CCDC15: variants seen among roughly 807,000 people sequenced by gnomAD.
CCDC15 encodes the protein coiled-coil domain containing 15.
CCDC15 carries 105 observed loss-of-function variants against 114.5 expected under a neutral mutation model. That is an observed-to-expected ratio of 0.92 (90% CI 0.78 to 1.08). The LOEUF is 1.08. Ranked by LOEUF, CCDC15 falls within the 50% of genes least tolerant of loss-of-function variation. CCDC15 has a pLI of 0.00. For missense variants in CCDC15, 1,105 were observed against 1,093.6 expected (o/e 1.01, Z -0.15); for synonymous variants, 334 against 377.8 (o/e 0.88, Z 1.34).
At position 124,954,721 on chromosome 11, in the gene CCDC15, C is replaced by CAGG; in HGVS notation, c.-9_-7dup. 6.2e-7 allele frequency: 1 copy of CAGG among 1,613,144 alleles called. No homozygotes were observed. The highest frequency in any genetic ancestry group is 8.5e-7 in the Non-Finnish European group (1 of 1,179,404). ...TTTTAAGCTTTTTCTTTCTCCTAAT[C>CAGG]AGGAGTCACAGATGCTGGGAAGTAT... is the stretch of plus-strand genomic sequence containing the variant. On this transcript the variant is annotated splice_polypyrimidine_tract_variant and splice_region_variant and intron_variant, in intron 1 of 15. Transcript: ENST00000344762.
intron 4 of CCDC15, among the ~76,000 whole-genome samples, chr11:124,966,048 G>A (rs1331889827): frequency 1.3e-5 from 2 of 152,166 alleles, no homozygotes; most frequent in African/African-American, 4.8e-5. Context: ...GCTGAGGAGT[G>A]CTTTACTTCC....
chr11:125,000,493 A>G (rs1948461196), intron 11 of CCDC15, among the ~76,000 whole-genome samples: 1 of 152,176 alleles, frequency 6.6e-6, no homozygotes. Flanking sequence ...CCCAGGAGCT[A>G]CATTTCTCAG....
rs779962547 is a variant in CCDC15 at position 124,987,764 on chromosome 11, A to C, written c.1538A>C (p.Asp513Ala). Reference sequence around the variant, plus strand: ...AAGGACCAGAATTTTTTGTCTAGAGACCAGCATGTTCTCCCCAAAGACCAG... The same window carrying C: ...AAGGACCAGAATTTTTTGTCTAGAGCCCAGCATGTTCTCCCCAAAGACCAG... ...LPKDQNFLSR[D>A]QHVLPKDQNI... Residue 513 changes from aspartate (D) to alanine (A), a missense_variant, in exon 8 of 16, where the codon GAC becomes GCC. Transcript: ENST00000344762. 6.2e-7 allele frequency: 1 copy of C among 1,614,008 alleles called. No homozygotes were observed. Among genetic ancestry groups the C allele is most frequent in the Non-Finnish European group, 8.5e-7 (1 of 1,179,874 alleles).
chr11:124,995,067 A>G (rs1948341611), intron 11 of CCDC15, among the ~76,000 whole-genome samples: 1 of 152,132 alleles, frequency 6.6e-6, no homozygotes, highest in African/African-American at 2.4e-5. Flanking sequence ...GGTTGGCCTA[A>G]GGGTATGCTG....
chr11:124,981,457 G>A (rs1948071327), intron 6 of CCDC15, among the ~76,000 whole-genome samples: 1 of 151,490 alleles, frequency 6.6e-6, no homozygotes, highest in African/African-American at 2.4e-5. Context: ...TGATTCTCCT[G>A]CCTCAGCCTC....
intron 13 of CCDC15, among the ~76,000 whole-genome samples, chr11:125,007,614 A>G (rs1948561528): frequency 6.6e-6 from 1 of 152,046 alleles, no homozygotes. Context: ...TTGCTGGATC[A>G]TCTGGAAGTT....
Position 124,986,756 on chromosome 11 carries a change from G to A in CCDC15, c.768G>A (p.Glu256=), listed in dbSNP as rs80062218. 2,193 of 1,539,614 alleles carry A rather than the reference G, an allele frequency of 1.4e-3. 29 individuals carry two copies. The East Asian group carries it at 0.029, about 20-fold the overall frequency. Residue 256 remains glutamate (E), a synonymous_variant, in exon 7 of 16, where the codon GAG becomes GAA. Coordinates refer to ENST00000344762, the MANE Select transcript of CCDC15 (RefSeq NM_025004.3). The part of the protein sequence containing the change: ...NYMENQELDY[E]EPDYEESSSL... Reference sequence around the variant, plus strand: ...TTTTTCTTTAGGAACTTGACTATGAGGAACCTGACTATGAGGAATCTTCAT... The same window carrying A: ...TTTTTCTTTAGGAACTTGACTATGAAGAACCTGACTATGAGGAATCTTCAT...
At chr11:124,956,206 T>A (rs1370554342) in intron 2 of CCDC15, among the ~76,000 whole-genome samples, 1 of 152,158 alleles carries the variant, frequency 6.6e-6, no homozygotes, top group Non-Finnish European at 1.5e-5. Flanking sequence ...TTAGATGAAT[T>A]GCTTCAAAGG....
At chr11:124,973,049 C>G (rs1947911054) in intron 4 of CCDC15, among the ~76,000 whole-genome samples, 2 of 152,134 alleles carry the variant, frequency 1.3e-5, no homozygotes, top group African/African-American at 2.4e-5. Flanking sequence ...CAATGACAGT[C>G]CTCAAAGCAT....
At chr11:124,973,287 C>G (rs1364838199) in intron 4 of CCDC15, among the ~76,000 whole-genome samples, 1 of 151,864 alleles carries the variant, frequency 6.6e-6, no homozygotes. Flanking sequence ...TCCTTGGTCA[C>G]ATGGTGCAGG....
intron 3 of CCDC15, 109 bp downstream of exon 3, chr11:124,959,373 T>C: frequency 2.2e-6 from 2 of 905,418 alleles, no homozygotes; most frequent in East Asian, 3.0e-5. Flanking sequence ...ATGCCTAATA[T>C]AATCTAATTA....
chr11:125,005,139 C>T lies in CCDC15; in HGVS notation c.2338C>T (p.Leu780Phe), dbSNP rs1322923948. 4.5e-6 allele frequency: 7 copies of T among 1,562,646 alleles called. No homozygotes were observed. In the East Asian group the frequency reaches 1.6e-4, roughly 36 times the overall value. ...RQKQYLRHRR[L>F]FMDIEREQVK... ...AAAGCAGTACCTGAGACATAGACGA[C>T]TTTTCATGGATATTGAGAGAGAACA... is the stretch of plus-strand genomic sequence containing the variant. The change falls in exon 13 of 16, where the codon CTT becomes TTT. Residue 780 changes from leucine to phenylalanine, a missense_variant. Leu to Phe is a conservative substitution (Grantham distance 22). Transcript: ENST00000344762.
intron 11 of CCDC15, among the ~76,000 whole-genome samples, chr11:124,997,390 A>G (rs1237969232): frequency 1.3e-5 from 2 of 152,166 alleles, no homozygotes; most frequent in Non-Finnish European, 2.9e-5. Context: ...GAGTGGCTCA[A>G]GTGATCCTCC....
chr11:124,977,734 C>T (rs2135463788), intron 6 of CCDC15, 134 bp downstream of exon 6: 2 of 848,894 alleles, frequency 2.4e-6, no homozygotes, highest in Non-Finnish European at 3.3e-6. Flanking sequence ...AATTCATATA[C>T]CATACAATTC....
At position 125,040,701 on chromosome 11, in the gene CCDC15, A is replaced by G; in HGVS notation, c.2846A>G (p.Lys949Arg). 6.2e-7 allele frequency: 1 copy of G among 1,611,726 alleles called. No homozygotes were observed. The highest frequency in any genetic ancestry group is 8.5e-7 in the Non-Finnish European group (1 of 1,178,738). Residue 949 changes from lysine to arginine, a missense_variant, in exon 16 of 16, where the codon AAA becomes AGA. By Grantham distance (26) the Lys-to-Arg change is conservative. Transcript: ENST00000344762. ...GCTTCTGCACACAGGCGGACTTTGA[A>G]AAATCTATAATAAGAATCTGAAATT... ...NFASAHRRTL[K>R]NL is the part of the protein sequence containing the mutation.
At chr11:124,956,163 A>G (rs921723439) in intron 2 of CCDC15, among the ~76,000 whole-genome samples, 2 of 152,208 alleles carry the variant, frequency 1.3e-5, no homozygotes, top group African/African-American at 2.4e-5. Flanking sequence ...TTTAATATTT[A>G]CAGGTGAATG....
At position 125,030,382 on chromosome 11, in the gene CCDC15, G is replaced by C. The variant is rs111324927; in HGVS notation, c.2412-8049G>C. The stretch of plus-strand genomic sequence containing the variant: ...GATGATGGGGGAACTGATAAAACCA[G>C]TGAGTTCCATGAGCAGGAGCCCACT... On this transcript the variant is annotated intron_variant, in intron 13 of 15. Transcript: ENST00000344762. Among the ~76,000 whole-genome samples, 537 of 152,286 alleles carry C rather than the reference G, an allele frequency of 3.5e-3. 3 individuals carry two copies. The highest frequency in any genetic ancestry group is 0.012 in the African/African-American group (504 of 41,540).
chr11:124,961,057 C>T (rs745816503), intron 4 of CCDC15, among the ~76,000 whole-genome samples: 16 of 152,296 alleles, frequency 1.1e-4, no homozygotes, highest in Non-Finnish European at 2.4e-4. Flanking sequence ...TTGACTCTTT[C>T]TTGTCATTGT....
rs777407940 is a variant in CCDC15, at chr11:124,993,196, T to C, written c.2167T>C (p.Phe723Leu). 1 of 1,607,620 alleles carries C rather than the reference T, an allele frequency of 6.2e-7. No homozygotes were observed. Among genetic ancestry groups the C allele is most frequent in the South Asian group, 1.1e-5 (1 of 90,196 alleles). ...CAAGCATATCAAACTACCCTCATCTTTTGAGAAATGGGAGATTGCAAGAGG... is the reference window on the plus strand; with the variant it reads ...CAAGCATATCAAACTACCCTCATCTCTTGAGAAATGGGAGATTGCAAGAGG... Reference protein sequence around the residue: ...QNKHIKLPSSFEKWEIARGNT... With the variant: ...QNKHIKLPSSLEKWEIARGNT... The change falls in exon 11 of 16, where the codon TTT (phenylalanine) becomes CTT (leucine). Residue 723 changes from phenylalanine (F) to leucine (L), a missense_variant. By Grantham distance (22) the Phe-to-Leu change is conservative (BLOSUM62 0). Transcript: ENST00000344762.
Sources: gnomAD v4.1 joint callset for allele counts (sites outside exome capture counted in the v4.1 genomes callset) on GRCh38, gnomAD v4.1.1 for gene constraint, MANE v1.5 for transcripts, NCBI Gene and HGNC (gene_info 2026-07-23, HGNC 2026-07-21) for gene names.